The following DLGAP2 variants were observed in gnomAD, a reference collection of about 807,000 sequenced individuals.
The protein encoded by DLGAP2 is DLG associated protein 2.
Under a neutral mutation model 100.3 loss-of-function variants are expected in DLGAP2, and 26 were observed. The ratio of observed to expected loss-of-function variants is 0.26; its 90% CI spans 0.19 to 0.36. The LOEUF (loss-of-function observed/expected upper bound fraction) is 0.36, where lower values mean the gene tolerates loss of function less well. DLGAP2 is among the 10% of genes least tolerant of loss of function. DLGAP2 has a pLI of 1.00. For synonymous variants in DLGAP2, 886 were observed against 630.1 expected (o/e 1.41, Z -6.08); for missense variants, 1,858 against 1,453.2 (o/e 1.28, Z -4.53).
chr8:845,251 G>A (rs574376900), intron 1 of DLGAP2, among the ~76,000 whole-genome samples: 22 of 152,296 alleles, frequency 1.4e-4, no homozygotes, highest in East Asian at 3.9e-4. Context: ...ATGAGTTTAC[G>A]TTTCTGCCAG....
chr8:1,475,236 C>G (rs768332651), intron 3 of DLGAP2, among the ~76,000 whole-genome samples: 3 of 152,090 alleles, frequency 2.0e-5, no homozygotes, highest in Non-Finnish European at 4.4e-5. Context: ...GTGACAGTAT[C>G]CGTCATACCC....
At chr8:1,267,613 T>A (rs1395023239) in intron 3 of DLGAP2, among the ~76,000 whole-genome samples, 8 of 93,420 alleles carry the variant, frequency 8.6e-5, no homozygotes, top group African/African-American at 4.6e-4. Flanking sequence ...TAAGATAAGA[T>A]AAGATAAGAT....
chr8:1,541,969 A>T (rs3885006), intron 4 of DLGAP2, among the ~76,000 whole-genome samples: 7,057 of 152,336 alleles, frequency 0.046, 224 homozygotes, highest in Non-Finnish European at 0.068. Context: ...AGGACCTTTG[A>T]TTATTGATTT....
chr8:987,197 A>G (rs999775080), intron 2 of DLGAP2, among the ~76,000 whole-genome samples: 1 of 152,078 alleles, frequency 6.6e-6, no homozygotes, highest in African/African-American at 2.4e-5. Context: ...GTGTCTTTGC[A>G]GGAGTGCCAG....
intron 2 of DLGAP2, among the ~76,000 whole-genome samples, chr8:1,145,100 A>G (rs990708807): frequency 1.3e-5 from 2 of 152,238 alleles, no homozygotes; most frequent in Non-Finnish European, 2.9e-5. Context: ...CAGGATGAAA[A>G]GAGCATTTAT....
Position 1,175,007 on chromosome 8 carries a change from A to G in DLGAP2, c.74-83844A>G, listed in dbSNP as rs141765133. Among the ~76,000 whole-genome samples, 13 of 152,302 alleles carry G rather than the reference A, an allele frequency of 8.5e-5. No homozygotes were observed. The East Asian group carries it at 2.3e-3, about 27-fold the overall frequency. On this transcript the variant is annotated intron_variant, in intron 2 of 14. Coordinates refer to ENST00000637795, the MANE Select transcript of DLGAP2 (RefSeq NM_001346810.2). ...GAATGAAAATTAGATATTTCCCTAT[A>G]AAAGTAGTCAGATGACAGGAGAGAG...
intron 2 of DLGAP2, among the ~76,000 whole-genome samples, chr8:1,234,516 C>A (rs543093196): frequency 6.6e-6 from 1 of 152,256 alleles, no homozygotes; most frequent in East Asian, 1.9e-4. Context: ...TCTCCTTAAC[C>A]ATTTACAGCA....
intron 3 of DLGAP2, among the ~76,000 whole-genome samples, chr8:1,306,770 A>G (rs550248469): frequency 1.3e-5 from 2 of 152,332 alleles, no homozygotes; most frequent in East Asian, 3.9e-4. Flanking sequence ...GATTTCTGAT[A>G]AGGGTGCCAA....
intron 2 of DLGAP2, among the ~76,000 whole-genome samples, chr8:1,234,775 C>A (rs1184223303): frequency 1.3e-5 from 2 of 152,186 alleles, no homozygotes; most frequent in African/African-American, 2.4e-5. Context: ...GCTGCCTCTG[C>A]CTTGCGCAAC....
chr8:1,200,147 A>G (rs7827632), intron 2 of DLGAP2, among the ~76,000 whole-genome samples: 9,924 of 152,180 alleles, frequency 0.065, 513 homozygotes, highest in East Asian at 0.2. Context: ...ACAGGCCCAC[A>G]GGAGAGGCTG....
chr8:822,760 G>C (rs993028888), intron 1 of DLGAP2, among the ~76,000 whole-genome samples: 2 of 152,148 alleles, frequency 1.3e-5, no homozygotes, highest in African/African-American at 2.4e-5. Context: ...GCCTGGGCGT[G>C]GTGAGATGGG....
At chr8:1,606,858 T>C (rs1314191362) in intron 6 of DLGAP2, among the ~76,000 whole-genome samples, 2 of 152,120 alleles carry the variant, frequency 1.3e-5, no homozygotes, top group Non-Finnish European at 2.9e-5. Context: ...TAAGTTTTTG[T>C]ATTTTTGGTA....
chr8:1,552,504 G>A (rs1412834042), intron 5 of DLGAP2, among the ~76,000 whole-genome samples: 1 of 152,186 alleles, frequency 6.6e-6, no homozygotes, highest in African/African-American at 2.4e-5. Flanking sequence ...GACTCAGCTG[G>A]ATTGACGTCT....
intron 6 of DLGAP2, among the ~76,000 whole-genome samples, chr8:1,595,665 C>T (rs1246658651): frequency 8.8e-6 from 1 of 113,280 alleles, no homozygotes; most frequent in Non-Finnish European, 1.9e-5. Context: ...CAGAGCGAGA[C>T]TCCGTCTCAA....
chr8:1,186,136 C>T (rs761637855), intron 2 of DLGAP2, among the ~76,000 whole-genome samples: 5 of 152,224 alleles, frequency 3.3e-5, no homozygotes, highest in Non-Finnish European at 7.3e-5. Flanking sequence ...TCGCTTTGCG[C>T]CCTTGTCTGC....
At chr8:1,085,225 A>G (rs961200517) in intron 2 of DLGAP2, among the ~76,000 whole-genome samples, 1 of 152,048 alleles carries the variant, frequency 6.6e-6, no homozygotes, top group Non-Finnish European at 1.5e-5. Context: ...TTTTCTTTCT[A>G]TAGAGTTGTT....
intron 1 of DLGAP2, among the ~76,000 whole-genome samples, chr8:797,647 G>T (rs544207595): frequency 6.6e-6 from 1 of 152,184 alleles, no homozygotes; most frequent in Non-Finnish European, 1.5e-5. Flanking sequence ...CTCATTGATG[G>T]CTGCACTGCC....
At chr8:989,338 G>T (rs1161862057) in intron 2 of DLGAP2, among the ~76,000 whole-genome samples, 1 of 152,156 alleles carries the variant, frequency 6.6e-6, no homozygotes, top group African/African-American at 2.4e-5. Flanking sequence ...CCTGAGGGAG[G>T]GGCTGTCTTC....
At chr8:1,638,846 C>T (rs1229976164) in intron 8 of DLGAP2, among the ~76,000 whole-genome samples, 3 of 152,236 alleles carry the variant, frequency 2.0e-5, no homozygotes, top group Admixed American at 1.3e-4. Context: ...GCAGAGAAGG[C>T]AGCGGATGCA....
Sources: gnomAD v4.1 joint callset for allele counts (sites outside exome capture counted in the v4.1 genomes callset) on GRCh38, gnomAD v4.1.1 for gene constraint, MANE v1.5 for transcripts, NCBI Gene and HGNC (gene_info 2026-07-23, HGNC 2026-07-21) for gene names.